The following DECR1 variants were observed in gnomAD, a reference collection of about 807,000 sequenced individuals.
DECR1 encodes the protein 2,4-dienoyl-CoA reductase 1, also known as 2,4-dienoyl-CoA reductase [(3E)-enoyl-CoA-producing], mitochondrial.
A neutral mutation model predicts 38.8 loss-of-function variants in DECR1; 44 were observed. The ratio of observed to expected loss-of-function variants is 1.13; its 90% CI spans 0.89 to 1.46. The LOEUF is 1.46. DECR1 is among the 40% of genes most tolerant of loss of function. The pLI, the probability that DECR1 is intolerant of heterozygous loss-of-function variation, is 0.00. For synonymous variants in DECR1, 148 were observed against 135.2 expected (o/e 1.09, Z -0.66); for missense variants, 428 against 405.5 (o/e 1.06, Z -0.48).
intron 1 of DECR1, among the ~76,000 whole-genome samples, chr8:90,002,392 CCT>C (rs1193773824): frequency 1.3e-5 from 2 of 152,152 alleles, no homozygotes; most frequent in Non-Finnish European, 2.9e-5. Flanking sequence ...CTGGCTTCCC[CCT>C]CTCTCTGGCC....
chr8:90,008,482 T>C (rs992742210), intron 1 of DECR1, among the ~76,000 whole-genome samples: 1 of 152,222 alleles, frequency 6.6e-6, no homozygotes, highest in Non-Finnish European at 1.5e-5. Flanking sequence ...ACAAAGGCAG[T>C]GCAGATGTAA....
rs1395661844 is a variant in DECR1 at position 90,001,580 on chromosome 8, C to T, written c.69+19C>T. 3 of 1,608,996 alleles carry T rather than the reference C, an allele frequency of 1.9e-6. No individual in the cohort carries two copies. The highest frequency in any genetic ancestry group is 1.3e-5 in the African/African-American group (1 of 74,904). ...TCGGAGGGTAAGGCGGCCGGGGGCG[C>T]GGGGAGCGAGGACAGGGCGTCTCGA... On this transcript the variant is annotated intron_variant, in intron 1 of 9. Coordinates refer to ENST00000220764, the MANE Select transcript of DECR1 (RefSeq NM_001359.2).
intron 5 of DECR1, among the ~76,000 whole-genome samples, chr8:90,024,847 T>C (rs1253636733): frequency 6.6e-6 from 1 of 152,200 alleles, no homozygotes; most frequent in Non-Finnish European, 1.5e-5. Flanking sequence ...GTTTTTATGG[T>C]TTTAGGTCTG....
chr8:90,049,549 C>A (rs960961612), intron 8 of DECR1, among the ~76,000 whole-genome samples: 1 of 152,184 alleles, frequency 6.6e-6, no homozygotes, highest in Non-Finnish European at 1.5e-5. Context: ...AATGGAAGAA[C>A]ATTCCATGCT....
chr8:90,012,577 A>G (rs917552023), intron 1 of DECR1, among the ~76,000 whole-genome samples: 3 of 152,218 alleles, frequency 2.0e-5, no homozygotes, highest in Non-Finnish European at 4.4e-5. Context: ...ATATATTCAC[A>G]TAAGACTACA....
In DECR1 at chr8:90,024,674, G is replaced by A. The variant is rs754169519; in HGVS notation, c.565+3618G>A. On this transcript the variant is annotated intron_variant, in intron 5 of 9. Transcript: ENST00000220764. ...TTTTCTCCCATTCTGTAGGTTGCCTGTTCACTCTGATGGTAGTTTCTTTTG... is the reference window on the plus strand; with the variant it reads ...TTTTCTCCCATTCTGTAGGTTGCCTATTCACTCTGATGGTAGTTTCTTTTG... Among the ~76,000 whole-genome samples the A allele has an allele frequency of 5.9e-5, 9 of 152,268 alleles. No homozygotes were observed. The Middle Eastern group carries it at 0.014, about 230-fold the overall frequency.
intron 6 of DECR1, among the ~76,000 whole-genome samples, chr8:90,039,993 T>C (rs1813715338): frequency 6.6e-6 from 1 of 152,232 alleles, no homozygotes; most frequent in Non-Finnish European, 1.5e-5. Flanking sequence ...GTGGATTCAT[T>C]ATCAGATTAC....
chr8:90,048,188 G>A (rs998896605), intron 8 of DECR1, among the ~76,000 whole-genome samples: 2 of 152,054 alleles, frequency 1.3e-5, no homozygotes, highest in African/African-American at 4.8e-5. Flanking sequence ...TAAGATCAGA[G>A]CAGAACTGAA....
chr8:90,025,715 C>A (rs1283944329), intron 5 of DECR1, among the ~76,000 whole-genome samples: 1 of 152,144 alleles, frequency 6.6e-6, no homozygotes. Flanking sequence ...TCCCTTATTT[C>A]TTTCTCCTGC....
chr8:90,016,552 TC>T (rs1279928363), intron 1 of DECR1, among the ~76,000 whole-genome samples: 4 of 152,022 alleles, frequency 2.6e-5, no homozygotes, highest in African/African-American at 7.2e-5. Context: ...GGCAGGAGAA[TC>T]GCTTGAACCT....
intron 1 of DECR1, among the ~76,000 whole-genome samples, chr8:90,016,553 C>G (rs942683848): frequency 6.6e-6 from 1 of 151,968 alleles, no homozygotes; most frequent in Admixed American, 6.6e-5. Context: ...GCAGGAGAAT[C>G]GCTTGAACCT....
intron 5 of DECR1, among the ~76,000 whole-genome samples, chr8:90,032,195 G>T (rs1206860333): frequency 6.6e-6 from 1 of 152,020 alleles, no homozygotes; most frequent in Non-Finnish European, 1.5e-5. Context: ...GAAGAATCAA[G>T]TTTCTTGTGG....
chr8:90,026,503 A>G (rs1813343791), intron 5 of DECR1, among the ~76,000 whole-genome samples: 1 of 152,016 alleles, frequency 6.6e-6, no homozygotes, highest in South Asian at 2.1e-4. Context: ...TTTCTAGTTT[A>G]TTTGTGTAGA....
chr8:90,043,226 C>T (rs1187368135), intron 7 of DECR1, among the ~76,000 whole-genome samples: 1 of 152,040 alleles, frequency 6.6e-6, no homozygotes, highest in African/African-American at 2.4e-5. Flanking sequence ...ATTATATAGG[C>T]TTTGTCTTGT....
chr8:90,036,119 T>G (rs1245144514), intron 5 of DECR1, among the ~76,000 whole-genome samples: 1 of 152,134 alleles, frequency 6.6e-6, no homozygotes, highest in Non-Finnish European at 1.5e-5. Flanking sequence ...AAAGACTCTT[T>G]GAGACTCCAT....
intron 1 of DECR1, among the ~76,000 whole-genome samples, chr8:90,016,021 C>T (rs1161029102): frequency 6.6e-6 from 1 of 151,956 alleles, no homozygotes; most frequent in African/African-American, 2.4e-5. Context: ...TATTAGATAC[C>T]TAAAGTTTGT....
rs762510011 is a variant in DECR1 at position 90,051,758 on chromosome 8, T to A, written c.948+19T>A. 6.2e-7 allele frequency: 1 copy of A among 1,612,888 alleles called. No homozygotes were observed. Among genetic ancestry groups the A allele is most frequent in the Non-Finnish European group, 8.5e-7 (1 of 1,179,124 alleles). On this transcript the variant is annotated intron_variant, in intron 9 of 9. Transcript: ENST00000220764. ...GAGAAAGGTAATGCTTTTGTGTGTA[T>A]AATGTAATATCAGCAGCTAGGATAC... is the stretch of plus-strand genomic sequence containing the variant.
Position 90,051,955 on chromosome 8 carries a change from C to G in DECR1, c.*58C>G. ...AGGGAATAGAAATGAAACAAATTAT[C>G]TCTCATCTTTTGACTATTTCAAGTC... On this transcript the variant is annotated 3_prime_UTR_variant, in exon 10 of 10. Transcript: ENST00000220764. 3.5e-6 allele frequency: 5 copies of G among 1,427,422 alleles called. No individual in the cohort carries two copies. The highest frequency in any genetic ancestry group is 3.9e-6 in the Non-Finnish European group (4 of 1,015,752). 88.4% of individuals were successfully genotyped at this position (1,427,422 alleles called of 1,614,324 possible). A position where few individuals can be genotyped will look rare whatever the true frequency, so the allele number is the denominator to read the frequency against.
chr8:90,048,313 T>A (rs374001275), intron 8 of DECR1, among the ~76,000 whole-genome samples: 4 of 147,896 alleles, frequency 2.7e-5, no homozygotes, highest in Non-Finnish European at 6.0e-5. Flanking sequence ...AAGAAAAGAG[T>A]GAAGAATCAA....
Sources: allele counts gnomAD v4.1 joint callset (sites outside exome capture counted in the v4.1 genomes callset), GRCh38; gene constraint gnomAD v4.1.1; transcripts MANE v1.5; gene names NCBI Gene and HGNC (gene_info 2026-07-23, HGNC 2026-07-21).